The following UBAP1 variants were observed in gnomAD, a reference collection of about 807,000 sequenced individuals.
UBAP1 encodes the protein ubiquitin-associated protein 1.
In UBAP1, 5 loss-of-function variants were observed where a neutral mutation model predicts 39.0. The ratio of observed to expected loss-of-function variants is 0.13; its 90% CI spans 0.07 to 0.27. The LOEUF is 0.27. UBAP1 is among the 10% of genes least tolerant of loss of function. The probability of loss-of-function intolerance (pLI) is 1.00; values close to 1 mark genes in which losing one functional copy is unlikely to be tolerated. For synonymous variants in UBAP1, 211 were observed against 225.1 expected (o/e 0.94, Z 0.56); for missense variants, 490 against 608.1 (o/e 0.81, Z 2.04).
chr9:34,187,983 T>C (rs966982253), intron 1 of UBAP1, among the ~76,000 whole-genome samples: 6 of 151,908 alleles, frequency 3.9e-5, no homozygotes, highest in African/African-American at 1.4e-4. Context: ...TAAAAAACAT[T>C]TTTTCTTTTT....
chr9:34,252,306 T>C lies in UBAP1; in HGVS notation c.*774T>C, dbSNP rs1404923916. 2.1e-4 allele frequency: 32 copies of C among 152,652 alleles called. No individual in the cohort carries two copies. The highest frequency in any genetic ancestry group is 1.5e-5 in the Non-Finnish European group (1 of 68,050). 9.5% of individuals were successfully genotyped at this position (152,652 alleles called of 1,614,324 possible). ...AGTTGGCCAGCACTAACTCCACCTC[T>C]GTTCTCCTTGAACAGCTTCCCCTCC... On this transcript the variant is annotated 3_prime_UTR_variant, in exon 7 of 7. Transcript: ENST00000297661.
intron 1 of UBAP1, among the ~76,000 whole-genome samples, chr9:34,179,885 C>T (rs1472621711): frequency 6.6e-6 from 1 of 152,026 alleles, no homozygotes; most frequent in Non-Finnish European, 1.5e-5. Context: ...GATCTTTGAC[C>T]TTTGTTGCCA....
intron 1 of UBAP1, among the ~76,000 whole-genome samples, chr9:34,187,612 AT>A (rs1218728865): frequency 1.3e-5 from 2 of 151,838 alleles, no homozygotes; most frequent in African/African-American, 4.8e-5. Flanking sequence ...ATATATTCAA[AT>A]TTTTTTTGAT....
At chr9:34,205,873 TCC>T (rs1831657467) in intron 1 of UBAP1, among the ~76,000 whole-genome samples, 1 of 152,076 alleles carries the variant, frequency 6.6e-6, no homozygotes, top group South Asian at 2.1e-4. Context: ...GCACCTGTAG[TCC>T]CAGCTACTCA....
intron 2 of UBAP1, among the ~76,000 whole-genome samples, chr9:34,233,466 A>AT (rs556092867): frequency 8.8e-4 from 134 of 151,682 alleles, no homozygotes; most frequent in African/African-American, 3.0e-3. Context: ...ATTGAAAATG[A>AT]TTTTTTTCTA....
chr9:34,215,235 A>C (rs1832234280), intron 1 of UBAP1, among the ~76,000 whole-genome samples: 2 of 152,126 alleles, frequency 1.3e-5, no homozygotes, highest in African/African-American at 4.8e-5. Context: ...ATGCCTATCA[A>C]CGAATGGATA....
intron 6 of UBAP1, 46 bp from the exon 7 acceptor site, chr9:34,251,346 G>C (rs1834517803): frequency 6.2e-7 from 1 of 1,606,146 alleles, no homozygotes; most frequent in Non-Finnish European, 8.5e-7. Flanking sequence ...CAGCTGTGCT[G>C]TGACCCCACC....
chr9:34,221,701 A>G (rs1003692850), intron 2 of UBAP1, among the ~76,000 whole-genome samples: 3 of 152,090 alleles, frequency 2.0e-5, no homozygotes, highest in Admixed American at 6.6e-5. Flanking sequence ...ATCAATCACT[A>G]TATTACAGAG....
At chr9:34,237,653 G>A (rs889090138) in intron 3 of UBAP1, among the ~76,000 whole-genome samples, 1 of 151,892 alleles carries the variant, frequency 6.6e-6, no homozygotes, top group African/African-American at 2.4e-5. Flanking sequence ...CTGCAGCCTC[G>A]ACCTCCCTGA....
At chr9:34,217,474 G>A (rs549993711) in intron 1 of UBAP1, among the ~76,000 whole-genome samples, 132 of 152,254 alleles carry the variant, frequency 8.7e-4, no homozygotes, top group African/African-American at 2.9e-3. Flanking sequence ...GACCTCAGGT[G>A]ATCTGCCTTC....
intron 1 of UBAP1, among the ~76,000 whole-genome samples, chr9:34,199,230 C>T (rs1242152118): frequency 2.0e-5 from 3 of 151,870 alleles, no homozygotes; most frequent in African/African-American, 4.8e-5. Flanking sequence ...CACACCACCA[C>T]GCCCAGCTAA....
At chr9:34,196,043 G>C (rs1831035331) in intron 1 of UBAP1, among the ~76,000 whole-genome samples, 1 of 134,942 alleles carries the variant, frequency 7.4e-6, no homozygotes, top group African/African-American at 2.8e-5. Context: ...AGTCTCCTGA[G>C]TAGCTGCAAC....
intron 3 of UBAP1, among the ~76,000 whole-genome samples, chr9:34,235,559 T>C (rs1038381455): frequency 6.6e-6 from 1 of 152,148 alleles, no homozygotes; most frequent in African/African-American, 2.4e-5. Flanking sequence ...CAGGATGGTC[T>C]CAATCTCCTG....
At chr9:34,231,588 T>C (rs564034431) in intron 2 of UBAP1, among the ~76,000 whole-genome samples, 18 of 152,204 alleles carry the variant, frequency 1.2e-4, no homozygotes, top group Admixed American at 7.2e-4. Context: ...TTTGGTGATA[T>C]AGATATGAAA....
In UBAP1 at chr9:34,182,251, C is replaced by T. The variant is rs540907104; in HGVS notation, c.-8+3011C>T. 2.1e-4 allele frequency among the ~76,000 whole-genome samples: 31 copies of T among 149,750 alleles called. 2 individuals are homozygous for T. The highest frequency in any genetic ancestry group is 7.0e-4 in the African/African-American group (28 of 40,108). ...CCAGGCTGGAGTGCTGTGGCGTGAT[C>T]TCAGCTCACTGCAACCTCCATTTCC... is the stretch of plus-strand genomic sequence containing the variant. On this transcript the variant is annotated intron_variant, in intron 1 of 6. Coordinates refer to ENST00000297661, the MANE Select transcript of UBAP1 (RefSeq NM_016525.5).
intron 4 of UBAP1, 78 bp from the exon 5 acceptor site, chr9:34,249,701 A>G (rs890815002): frequency 5.0e-6 from 7 of 1,404,644 alleles, no homozygotes; most frequent in South Asian, 2.5e-5. Context: ...AGAAATGCCA[A>G]CCCCTGGACT....
intron 2 of UBAP1, among the ~76,000 whole-genome samples, chr9:34,222,539 C>T (rs1387607820): frequency 6.6e-6 from 1 of 151,920 alleles, no homozygotes; most frequent in African/African-American, 2.4e-5. Flanking sequence ...TGCCTGTAAT[C>T]CCAACAGTAG....
In UBAP1 at chr9:34,239,822, T is replaced by G. The variant is rs948339254; in HGVS notation, c.160-1363T>G. On this transcript the variant is annotated intron_variant, in intron 3 of 6. Coordinates refer to ENST00000297661, the MANE Select transcript of UBAP1 (RefSeq NM_016525.5). ...TTCCTGGAACTCCATAAATACAAGA[T>G]GACATTATTTATTATTATACTCCAA... Among the ~76,000 whole-genome samples the G allele has an allele frequency of 5.9e-5, 9 of 152,156 alleles. No individual in the cohort carries two copies. The South Asian group carries it at 1.7e-3, about 28-fold the overall frequency.
chr9:34,227,292 T>C (rs1376479086), intron 2 of UBAP1, among the ~76,000 whole-genome samples: 2 of 152,294 alleles, frequency 1.3e-5, no homozygotes, highest in East Asian at 3.9e-4. Flanking sequence ...AAGATAGTTT[T>C]TTTTGTTTTA....
Sources: allele counts gnomAD v4.1 joint callset (sites outside exome capture counted in the v4.1 genomes callset), GRCh38; gene constraint gnomAD v4.1.1; transcripts MANE v1.5; gene names NCBI Gene and HGNC (gene_info 2026-07-23, HGNC 2026-07-21).